Variants in DNAH9 observed in about 807,000 individuals in gnomAD.
The protein encoded by DNAH9 is dynein axonemal heavy chain 9, also known as DNAH9 variant protein.
In DNAH9, 345 loss-of-function variants were observed where a neutral mutation model predicts 471.6. That is an observed-to-expected ratio of 0.73 (90% CI 0.67 to 0.80). The LOEUF is 0.80. Among genes scored for constraint, DNAH9 ranks in the 30% least tolerant of loss-of-function variants. The probability of loss-of-function intolerance (pLI) is 0.00; values close to 1 mark genes in which losing one functional copy is unlikely to be tolerated. For synonymous variants in DNAH9, 2,093 were observed against 2,123.6 expected (o/e 0.99, Z 0.40); for missense variants, 5,407 against 5,609.2 (o/e 0.96, Z 1.15).
At chr17:11,743,589 G>C (rs1360362191) in intron 30 of DNAH9, among the ~76,000 whole-genome samples, 2 of 152,124 alleles carry the variant, frequency 1.3e-5, no homozygotes, top group African/African-American at 4.8e-5. Context: ...TCTCCCTGTC[G>C]TGTGATGCTC....
At chr17:11,855,754 A>G (rs1297075775) in intron 50 of DNAH9, among the ~76,000 whole-genome samples, 1 of 152,216 alleles carries the variant, frequency 6.6e-6, no homozygotes, top group Non-Finnish European at 1.5e-5. Context: ...AATGCATATT[A>G]ACAAAGTAAC....
intron 28 of DNAH9, among the ~76,000 whole-genome samples, chr17:11,728,794 C>T (rs75072965): frequency 3.9e-5 from 6 of 152,162 alleles, no homozygotes; most frequent in African/African-American, 9.7e-5. Context: ...AGATCTTTCA[C>T]GTCTTTCCAC....
intron 49 of DNAH9, among the ~76,000 whole-genome samples, chr17:11,849,815 G>C (rs1335762969): frequency 6.6e-6 from 1 of 152,158 alleles, no homozygotes; most frequent in East Asian, 1.9e-4. Context: ...ATGAGCAAAA[G>C]GACTTTGCCT....
chr17:11,688,637 C>A (rs750023177), intron 19 of DNAH9, among the ~76,000 whole-genome samples: 1 of 152,148 alleles, frequency 6.6e-6, no homozygotes, highest in African/African-American at 2.4e-5. Flanking sequence ...GGGTCCCGCC[C>A]CCAGTGGTTC....
chr17:11,942,194 G>A lies in DNAH9; in HGVS notation c.12661-109G>A, dbSNP rs914676317. On this transcript the variant is annotated intron_variant, in intron 66 of 68. Transcript: ENST00000262442. The stretch of plus-strand genomic sequence containing the variant: ...GTTTGGCCATGTCAGTGGGTGGAGG[G>A]GCAGCAGACGATGGGTGATTGGCAT... The A allele has an allele frequency of 1.6e-5, 23 of 1,433,118 alleles. 1 individual carries two copies. In the African/African-American group the frequency reaches 3.1e-4, roughly 19 times the overall value. The allele number at this position is 1,433,118 out of a possible 1,614,324, so 88.8% of individuals were successfully genotyped here. A position where few individuals can be genotyped will look rare whatever the true frequency, so the allele number is the denominator to read the frequency against.
intron 26 of DNAH9, among the ~76,000 whole-genome samples, chr17:11,711,255 C>T (rs140097351): frequency 1.3e-3 from 200 of 152,216 alleles, no homozygotes; most frequent in Non-Finnish European, 2.3e-3. Context: ...GTATGATTGA[C>T]AGCCCATCAG....
chr17:11,621,479 C>T (rs1426123853), intron 6 of DNAH9, among the ~76,000 whole-genome samples: 2 of 150,566 alleles, frequency 1.3e-5, no homozygotes, highest in African/African-American at 4.9e-5. Flanking sequence ...TCCCAGCTGT[C>T]ATGAGCAGGT....
Position 11,886,897 on chromosome 17 carries a change from G to T in DNAH9, c.11044G>T (p.Ala3682Ser). The T allele has an allele frequency of 6.2e-7, 1 of 1,612,984 alleles. No homozygotes were observed. Among genetic ancestry groups the T allele is most frequent in the Non-Finnish European group, 8.5e-7 (1 of 1,179,528 alleles). ...GCACTACCGGCCAGCAGCTGCCAGG[G>T]CCTCACTGCTCTACTTCATCATGAA... Reference protein sequence around the residue: ...REHYRPAAARASLLYFIMNDL... With the variant: ...REHYRPAAARSSLLYFIMNDL... The change falls in exon 57 of 69, where the codon GCC becomes TCC. Residue 3682 changes from alanine to serine, a missense_variant. This residue lies in a region of DNAH9 where 4,636 missense variants were observed against 4,900.3 expected (regional missense o/e 0.95). Transcript: ENST00000262442.
At chr17:11,685,162 C>T (rs1171033528) in intron 19 of DNAH9, among the ~76,000 whole-genome samples, 1 of 152,132 alleles carries the variant, frequency 6.6e-6, no homozygotes, top group Non-Finnish European at 1.5e-5. Flanking sequence ...GCTTTAACCC[C>T]GCCCAGGGAG....
rs149578691 is a variant in DNAH9 at position 11,873,133 on chromosome 17, C to T, written c.10242+1347C>T. On this transcript the variant is annotated intron_variant, in intron 52 of 68. Coordinates refer to ENST00000262442, the MANE Select transcript of DNAH9 (RefSeq NM_001372.4). ...AGTTTTTAAAATGCTAGCAAATAAA[C>T]AAAAAATAAAGCAGCTGTTTGACTC... Among the ~76,000 whole-genome samples, 4 of 152,200 alleles carry T rather than the reference C, an allele frequency of 2.6e-5. No homozygotes were observed. The East Asian group carries it at 5.8e-4, about 22-fold the overall frequency.
Position 11,632,648 on chromosome 17 carries a change from G to A in DNAH9, c.1580G>A (p.Gly527Glu). The change falls in exon 8 of 69, where the codon GGG becomes GAG. Residue 527 changes from glycine to glutamate, a missense_variant. Coordinates refer to ENST00000262442, the MANE Select transcript of DNAH9 (RefSeq NM_001372.4). ...GTAGAAGATCTTGACCGAAGATTGG[G>A]GACTATCTTTATTCAAGCTTTTGAT... is the stretch of plus-strand genomic sequence containing the variant. The part of the protein sequence containing the change: ...QKVEDLDRRL[G>E]TIFIQAFDDA... 6.2e-7 allele frequency: 1 copy of A among 1,612,092 alleles called. No homozygotes were observed. Among genetic ancestry groups the A allele is most frequent in the Non-Finnish European group, 8.5e-7 (1 of 1,178,304 alleles).
intron 27 of DNAH9, among the ~76,000 whole-genome samples, chr17:11,721,527 C>T (rs1468845324): frequency 2.6e-5 from 4 of 152,100 alleles, no homozygotes; most frequent in Admixed American, 1.3e-4. Context: ...GTAAAACACT[C>T]GCAATCCAAT....
chr17:11,851,995 T>G (rs1229480038), intron 49 of DNAH9, among the ~76,000 whole-genome samples: 1 of 152,206 alleles, frequency 6.6e-6, no homozygotes, highest in East Asian at 1.9e-4. Context: ...TTTCTCACTT[T>G]GCCCTCTGTC....
At chr17:11,778,329 CAAAAAAAAAAAAAAAAAA>C (rs57983162) in intron 38 of DNAH9, among the ~76,000 whole-genome samples, 13 of 48,638 alleles carry the variant, frequency 2.7e-4, no homozygotes, top group East Asian at 7.6e-4. Context: ...GACTCCATCT[CAAAAAAAAAAAAAAAAAA>C]AAAAAAAAAA....
At chr17:11,770,394 A>G (rs889485871) in intron 38 of DNAH9, among the ~76,000 whole-genome samples, 3 of 152,212 alleles carry the variant, frequency 2.0e-5, no homozygotes, top group African/African-American at 7.2e-5. Context: ...CTTTCTGCAA[A>G]GTTTTGCCAG....
chr17:11,744,949 C>T lies in DNAH9; in HGVS notation c.6264C>T (p.Pro2088=). ...NIPKIVTDDM[P]IFMGLIGDLF... ...CCAAGATTGTGACTGATGACATGCCCATCTTCATGGGCCTGATCGGGGACC... is the reference window on the plus strand; with the variant it reads ...CCAAGATTGTGACTGATGACATGCCTATCTTCATGGGCCTGATCGGGGACC... Residue 2088 remains proline (P), a synonymous_variant, in exon 31 of 69, where the codon CCC becomes CCT. Coordinates refer to ENST00000262442, the MANE Select transcript of DNAH9 (RefSeq NM_001372.4). 1.9e-6 allele frequency: 3 copies of T among 1,614,188 alleles called. No homozygotes were observed. The highest frequency in any genetic ancestry group is 1.6e-4 in the Middle Eastern group (1 of 6,062).
intron 14 of DNAH9, among the ~76,000 whole-genome samples, chr17:11,663,790 A>G (rs2073817660): frequency 6.6e-6 from 1 of 152,244 alleles, no homozygotes; most frequent in African/African-American, 2.4e-5. Context: ...TGTGGAAGCA[A>G]ACAAGCATAC....
intron 8 of DNAH9, among the ~76,000 whole-genome samples, chr17:11,636,402 C>G (rs192021484): frequency 7.9e-5 from 12 of 152,232 alleles, no homozygotes; most frequent in Admixed American, 1.3e-4. Flanking sequence ...CCAAGTAGAG[C>G]TGGGGGTGAG....
chr17:11,741,657 G>T (rs1050798779), intron 29 of DNAH9, among the ~76,000 whole-genome samples: 6 of 152,066 alleles, frequency 3.9e-5, no homozygotes, highest in Admixed American at 1.3e-4. Context: ...CTCATCAAGA[G>T]AAATTTACAT....
Sources: allele counts gnomAD v4.1 joint callset (sites outside exome capture counted in the v4.1 genomes callset), GRCh38; gene constraint gnomAD v4.1.1; regional missense constraint gnomAD v4.1.1; transcripts MANE v1.5; gene names NCBI Gene and HGNC (gene_info 2026-07-23, HGNC 2026-07-21).